Variants in MGAT5 observed in about 807,000 individuals in gnomAD.
MGAT5 encodes alpha-1,6-mannosylglycoprotein 6-beta-N-acetylglucosaminyltransferase, also known as alpha-1,6-mannosylglycoprotein 6-beta-N-acetylglucosaminyltransferase A.
Under a neutral mutation model 94.3 loss-of-function variants are expected in MGAT5, and 30 were observed. That is an observed-to-expected ratio of 0.32 (90% confidence interval 0.24 to 0.43). The LOEUF (loss-of-function observed/expected upper bound fraction) is 0.43. Among genes scored for constraint, MGAT5 ranks in the 20% least tolerant of loss-of-function variants. The pLI, the probability that MGAT5 is intolerant of heterozygous loss-of-function variation, is 1.00. For missense variants in MGAT5, 691 were observed against 905.5 expected (o/e 0.76, Z 3.04); for synonymous variants, 310 against 322.9 (o/e 0.96, Z 0.43).
intron 1 of MGAT5, among the ~76,000 whole-genome samples, chr2:134,186,773 A>T (rs1689059165): frequency 1.3e-5 from 2 of 152,178 alleles, no homozygotes; most frequent in South Asian, 4.1e-4. Context: ...TTCATTTGAC[A>T]TGCATTGATT....
chr2:134,451,546 G>A lies in MGAT5; in HGVS notation c.*2699G>A, dbSNP rs1686110149. 1 of 152,272 alleles carries A rather than the reference G, an allele frequency of 6.6e-6. No homozygotes were observed. The highest frequency in any genetic ancestry group is 1.5e-5 in the Non-Finnish European group (1 of 68,068). 9.4% of individuals were successfully genotyped at this position (152,272 alleles called of 1,614,324 possible). On this transcript the variant is annotated 3_prime_UTR_variant, in exon 16 of 16. Transcript: ENST00000281923. Reference sequence around the variant, plus strand: ...CCTGCATGGAAGAGGAGAGGAAGGTGCCCCTGTGTGGGCTGGAAGCCTGCG... The same window carrying A: ...CCTGCATGGAAGAGGAGAGGAAGGTACCCCTGTGTGGGCTGGAAGCCTGCG...
At chr2:134,358,884 A>G (rs1374940061) in intron 9 of MGAT5, among the ~76,000 whole-genome samples, 3 of 152,204 alleles carry the variant, frequency 2.0e-5, no homozygotes, top group Admixed American at 6.5e-5. Context: ...TGGTTTGTAG[A>G]AATGCTCCAA....
intron 1 of MGAT5, among the ~76,000 whole-genome samples, chr2:134,203,511 C>T (rs1223185342): frequency 6.6e-6 from 1 of 152,010 alleles, no homozygotes; most frequent in Non-Finnish European, 1.5e-5. Context: ...TCCCCAAAAG[C>T]TCAGGTGATG....
chr2:134,234,285 A>T (rs952150994), intron 1 of MGAT5, among the ~76,000 whole-genome samples: 1 of 152,204 alleles, frequency 6.6e-6, no homozygotes, highest in Non-Finnish European at 1.5e-5. Flanking sequence ...TATAGTTTGC[A>T]AGGGCACCAC....
Position 134,341,713 on chromosome 2 carries a change from C to G in MGAT5, c.931C>G (p.Leu311Val). ...TGATTTAATTACATCTCTGTACTTA[C>G]TGGGCCATGACATTAGGATTTCAGC... ...WSDLITSLYL[L>V]GHDIRISASL... is the part of the protein sequence containing the mutation. Residue 311 changes from leucine (L) to valine (V), a missense_variant, in exon 7 of 16, where the codon CTG becomes GTG. This residue lies in a region of MGAT5 where 121 missense variants were observed against 206.1 expected (regional missense o/e 0.59). Transcript: ENST00000281923. 1 of 1,613,054 alleles carries G rather than the reference C, an allele frequency of 6.2e-7. No individual in the cohort carries two copies. The highest frequency in any genetic ancestry group is 8.5e-7 in the Non-Finnish European group (1 of 1,179,484).
intron 9 of MGAT5, among the ~76,000 whole-genome samples, chr2:134,353,263 T>G (rs1478952309): frequency 6.6e-6 from 1 of 152,174 alleles, no homozygotes; most frequent in Non-Finnish European, 1.5e-5. Flanking sequence ...GAGACAAACC[T>G]AGCTGTACAC....
intron 1 of MGAT5, among the ~76,000 whole-genome samples, chr2:134,240,201 T>G (rs184643830): frequency 1.1e-3 from 163 of 152,340 alleles, no homozygotes; most frequent in African/African-American, 3.7e-3. Flanking sequence ...GGTCAAATAC[T>G]CATTCTTTGA....
At chr2:134,329,356 C>T (rs1315949364) in intron 4 of MGAT5, among the ~76,000 whole-genome samples, 4 of 152,048 alleles carry the variant, frequency 2.6e-5, no homozygotes, top group East Asian at 1.9e-4. Context: ...TTTGGCGTTT[C>T]GTTTGCTCTT....
intron 1 of MGAT5, among the ~76,000 whole-genome samples, chr2:134,235,930 T>C (rs999906028): frequency 6.6e-6 from 1 of 152,216 alleles, no homozygotes; most frequent in African/African-American, 2.4e-5. Flanking sequence ...TCAGTTTCTG[T>C]CTTGCTCCCC....
intron 1 of MGAT5, among the ~76,000 whole-genome samples, chr2:134,136,775 C>T (rs566245062): frequency 1.3e-5 from 2 of 152,182 alleles, no homozygotes; most frequent in Admixed American, 1.3e-4. Flanking sequence ...ACCCACTGCT[C>T]CCCTTTCCCT....
At chr2:134,142,977 C>T (rs750354235) in intron 1 of MGAT5, among the ~76,000 whole-genome samples, 1 of 150,538 alleles carries the variant, frequency 6.6e-6, no homozygotes, top group East Asian at 2.0e-4. Context: ...GAGCCTGTTC[C>T]GAGATTTTAG....
intron 10 of MGAT5, among the ~76,000 whole-genome samples, chr2:134,384,684 C>G (rs1177196027): frequency 6.6e-6 from 1 of 152,160 alleles, no homozygotes; most frequent in Non-Finnish European, 1.5e-5. Context: ...ATCTGCATTT[C>G]TGAAAAATCT....
At chr2:134,326,010 T>G (rs922418556) in intron 4 of MGAT5, among the ~76,000 whole-genome samples, 2 of 150,914 alleles carry the variant, frequency 1.3e-5, no homozygotes, top group African/African-American at 4.9e-5. Context: ...ATACTTGAGT[T>G]GGGAGGCACA....
At chr2:134,387,441 A>G (rs1020898480) in intron 10 of MGAT5, among the ~76,000 whole-genome samples, 1 of 147,648 alleles carries the variant, frequency 6.8e-6, no homozygotes, top group African/African-American at 2.5e-5. Context: ...TTATTAGAGG[A>G]CTAGAGGACC....
rs186929859 is a variant in MGAT5 at position 134,184,528 on chromosome 2, T to G, written c.-143+64237T>G. ...TGATTCCTTTTTAGAGAAGTCTTCC[T>G]TCATCCTCTTGGATCATATGGGAGA... On this transcript the variant is annotated intron_variant, in intron 1 of 16. Coordinates refer to the MGAT5 transcript ENST00000409645. Among the ~76,000 whole-genome samples, 532 of 152,316 alleles carry G rather than the reference T, an allele frequency of 3.5e-3. 12 individuals are homozygous for G. Among genetic ancestry groups the G allele is most frequent in the Admixed American group, 0.029 (444 of 15,308 alleles).
In MGAT5 at chr2:134,193,675, TTGTGTGTGTGTGTGTGTGTGTGTG is replaced by T. The variant is rs58044792; in HGVS notation, c.-142-60557_-142-60534del. Among the ~76,000 whole-genome samples the T allele has an allele frequency of 9.5e-3, 1,244 of 130,892 alleles. 9 individuals carry two copies. Among genetic ancestry groups the T allele is most frequent in the South Asian group, 0.022 (82 of 3,680 alleles). 85.9% of individuals were successfully genotyped at this position (130,892 alleles called of 152,430 possible). On this transcript the variant is annotated intron_variant, in intron 1 of 16. Coordinates refer to the MGAT5 transcript ENST00000409645. ...CCCCTCTCTTACATACCCCAAATCTTTGTGTGTGTGTGTGTGTGTGTGTGTGTGTGTGTGTGTGTGTGTGTGTGT... is the reference window on the plus strand; with the variant it reads ...CCCCTCTCTTACATACCCCAAATCTTTGTGTGTGTGTGTGTGTGTGTGTGT...
At chr2:134,238,068 G>C (rs1681763635) in intron 1 of MGAT5, among the ~76,000 whole-genome samples, 1 of 151,884 alleles carries the variant, frequency 6.6e-6, no homozygotes, top group Admixed American at 6.6e-5. Flanking sequence ...TCTTTTTCTA[G>C]ACTTGTTCCA....
intron 1 of MGAT5, among the ~76,000 whole-genome samples, chr2:134,196,415 A>G (rs1679496904): frequency 5.3e-5 from 8 of 151,950 alleles, no homozygotes; most frequent in Admixed American, 5.2e-4. Context: ...AAAAAAAAAA[A>G]ACTATGGATC....
chr2:134,125,354 C>T (rs1685793684), intron 1 of MGAT5, among the ~76,000 whole-genome samples: 1 of 152,152 alleles, frequency 6.6e-6, no homozygotes, highest in Admixed American at 6.5e-5. Context: ...TGGTCTAGAT[C>T]CAGAGCCAGT....
Sources: gnomAD v4.1 joint callset for allele counts (sites outside exome capture counted in the v4.1 genomes callset) on GRCh38, gnomAD v4.1.1 for gene constraint, gnomAD v4.1.1 regional missense constraint, MANE v1.5 for transcripts, NCBI Gene and HGNC (gene_info 2026-07-23, HGNC 2026-07-21) for gene names.